Variants in ZDHHC14 observed in about 807,000 individuals in gnomAD.
The protein encoded by ZDHHC14 is zDHHC palmitoyltransferase 14.
ZDHHC14 carries 16 observed loss-of-function variants against 47.7 expected under a neutral mutation model. The ratio of observed to expected loss-of-function variants is 0.34; its 90% CI spans 0.23 to 0.51. The LOEUF is 0.51. Among genes scored for constraint, ZDHHC14 ranks in the 20% least tolerant of loss-of-function variants. ZDHHC14 has a pLI of 0.97. For synonymous variants in ZDHHC14, 293 were observed against 278.9 expected (o/e 1.05, Z -0.50); for missense variants, 515 against 662.5 (o/e 0.78, Z 2.44).
Position 157,675,254 on chromosome 6 carries a change from A to C in ZDHHC14, c.*2132A>C, listed in dbSNP as rs1778952054. 1 of 152,230 alleles carries C rather than the reference A, an allele frequency of 6.6e-6. No individual in the cohort carries two copies. The highest frequency in any genetic ancestry group is 2.4e-5 in the African/African-American group (1 of 41,442). 9.4% of individuals were successfully genotyped at this position (152,230 alleles called of 1,614,324 possible). On this transcript the variant is annotated 3_prime_UTR_variant, in exon 9 of 9. Coordinates refer to ENST00000359775, the MANE Select transcript of ZDHHC14 (RefSeq NM_024630.3). ...CCTGGAAAGCAAGATCATGGTCTTCAGAGGCCTCCCGCTTCTAACATTTCC... is the reference window on the plus strand; with the variant it reads ...CCTGGAAAGCAAGATCATGGTCTTCCGAGGCCTCCCGCTTCTAACATTTCC...
At chr6:157,518,732 G>T (rs978625291) in intron 1 of ZDHHC14, among the ~76,000 whole-genome samples, 2 of 147,160 alleles carry the variant, frequency 1.4e-5, no homozygotes, top group African/African-American at 5.0e-5. Context: ...CCATGTCAAT[G>T]TTTCCCTCCT....
chr6:157,443,501 G>A (rs1225088905), intron 1 of ZDHHC14, among the ~76,000 whole-genome samples: 1 of 152,254 alleles, frequency 6.6e-6, no homozygotes, highest in East Asian at 1.9e-4. Context: ...AAAGCACCGT[G>A]AGCTATGAAG....
intron 8 of ZDHHC14, among the ~76,000 whole-genome samples, chr6:157,662,944 A>T (rs1692398636): frequency 6.6e-6 from 1 of 152,272 alleles, no homozygotes; most frequent in Non-Finnish European, 1.5e-5. Context: ...TTAATTGTTA[A>T]ATTTAGCACT....
Position 157,540,910 on chromosome 6 carries a change from G to GTATATATATATATATATATATATATATA in ZDHHC14, c.246-1651_246-1650insTATATATATATATATATATATATATATA, listed in dbSNP as rs1554264587. Among the ~76,000 whole-genome samples the GTATATATATATATATATATATATATATA allele has an allele frequency of 1.7e-4, 21 of 122,970 alleles. 1 individual carries two copies. The highest frequency in any genetic ancestry group is 8.7e-4 in the African/African-American group (20 of 23,060). 80.7% of individuals were successfully genotyped at this position (122,970 alleles called of 152,430 possible). On this transcript the variant is annotated intron_variant, in intron 1 of 8. Coordinates refer to ENST00000359775, the MANE Select transcript of ZDHHC14 (RefSeq NM_024630.3). ...TGTATGTGTGTGTGTGTGTGTGTGTGTATATATATATATATATATATATAA... is the reference window on the plus strand; with the variant it reads ...TGTATGTGTGTGTGTGTGTGTGTGTGTATATATATATATATATATATATATATATATATATATATATATATATATATAA...
At chr6:157,385,183 G>A (rs1777287449) in intron 1 of ZDHHC14, among the ~76,000 whole-genome samples, 2 of 152,012 alleles carry the variant, frequency 1.3e-5, no homozygotes, top group Non-Finnish European at 2.9e-5. Context: ...TGACCGCCGA[G>A]GCTCAAGCAA....
intron 1 of ZDHHC14, among the ~76,000 whole-genome samples, chr6:157,467,651 G>A (rs1779252812): frequency 6.6e-6 from 1 of 151,880 alleles, no homozygotes; most frequent in South Asian, 2.1e-4. Context: ...CCGGGTTCAA[G>A]CGATTCTCCT....
chr6:157,586,492 A>G lies in ZDHHC14; in HGVS notation c.407-6496A>G, dbSNP rs1783702128. Among the ~76,000 whole-genome samples, 1 of 152,172 alleles carries G rather than the reference A, an allele frequency of 6.6e-6. No homozygotes were observed. Among genetic ancestry groups the G allele is most frequent in the African/African-American group, 2.4e-5 (1 of 41,438 alleles). On this transcript the variant is annotated intron_variant, in intron 2 of 8. Coordinates refer to ENST00000359775, the MANE Select transcript of ZDHHC14 (RefSeq NM_024630.3). The surrounding 1 kb of genome is among the most constrained non-coding windows in gnomAD (Gnocchi z 4.6). ...AGGCTCCATGGAAGATCGTGCAAGG[A>G]GAGAGAAGGTTCATGGATTGTGTGC...
intron 2 of ZDHHC14, among the ~76,000 whole-genome samples, chr6:157,575,057 G>T (rs1383941129): frequency 6.6e-6 from 1 of 152,196 alleles, no homozygotes; most frequent in Non-Finnish European, 1.5e-5. Context: ...CAGGCCAGCA[G>T]GCTGGAAAGT....
At chr6:157,429,731 A>G (rs576661624) in intron 1 of ZDHHC14, among the ~76,000 whole-genome samples, 20 of 152,344 alleles carry the variant, frequency 1.3e-4, no homozygotes, top group African/African-American at 4.6e-4. Flanking sequence ...ATCATATTTC[A>G]TCTCTCAATA....
At chr6:157,589,999 A>G (rs1285186223) in intron 2 of ZDHHC14, among the ~76,000 whole-genome samples, 1 of 152,180 alleles carries the variant, frequency 6.6e-6, no homozygotes, top group Non-Finnish European at 1.5e-5. Context: ...TGGAAACAGG[A>G]ATAAAGGTGA....
intron 8 of ZDHHC14, among the ~76,000 whole-genome samples, chr6:157,655,937 G>C (rs946703080): frequency 1.3e-5 from 2 of 152,184 alleles, no homozygotes; most frequent in African/African-American, 4.8e-5. Context: ...CTGTTTAATG[G>C]TGCTCTCACC....
At chr6:157,528,272 TGAG>T (rs914823899) in intron 1 of ZDHHC14, among the ~76,000 whole-genome samples, 1 of 152,210 alleles carries the variant, frequency 6.6e-6, no homozygotes, top group Non-Finnish European at 1.5e-5. Flanking sequence ...TATTTCAAAA[TGAG>T]CTGAACAGTT....
intron 1 of ZDHHC14, among the ~76,000 whole-genome samples, chr6:157,507,938 T>C (rs1780370108): frequency 6.6e-6 from 1 of 152,254 alleles, no homozygotes; most frequent in Non-Finnish European, 1.5e-5. Flanking sequence ...AATATGTTTA[T>C]TTCAATCTTA....
chr6:157,413,903 C>G (rs1777920784), intron 1 of ZDHHC14, among the ~76,000 whole-genome samples: 3 of 139,466 alleles, frequency 2.2e-5, no homozygotes, highest in South Asian at 4.9e-4. Context: ...CGCAGGTCAC[C>G]CAGCACATTT....
intron 2 of ZDHHC14, among the ~76,000 whole-genome samples, chr6:157,552,223 G>T (rs1782262299): frequency 6.6e-6 from 1 of 152,130 alleles, no homozygotes; most frequent in Non-Finnish European, 1.5e-5. Flanking sequence ...TATTTGGGAG[G>T]ATAAAGCAAG....
chr6:157,412,656 G>A (rs1024962125), intron 1 of ZDHHC14, among the ~76,000 whole-genome samples: 8 of 145,818 alleles, frequency 5.5e-5, no homozygotes, highest in African/African-American at 2.3e-4. Context: ...TCACAATTCA[G>A]GTGGAAATGG....
chr6:157,615,813 T>TTTTGG (rs1562509725), intron 3 of ZDHHC14, among the ~76,000 whole-genome samples: 5 of 145,404 alleles, frequency 3.4e-5, no homozygotes, highest in Admixed American at 2.7e-4. Flanking sequence ...TTTTGTTTTG[T>TTTTGG]TTTGGTTGTT....
chr6:157,476,274 A>G (rs1208251520), intron 1 of ZDHHC14, among the ~76,000 whole-genome samples: 1 of 152,222 alleles, frequency 6.6e-6, no homozygotes, highest in African/African-American at 2.4e-5. Context: ...ACAAAGGATC[A>G]TAAGGGACTA....
Position 157,405,550 on chromosome 6 carries a change from A to T in ZDHHC14, c.245+23284A>T, listed in dbSNP as rs189544062. ...CCTGGCCGAGCTCAAAATTTTTTTTAAAAAAAATATTCTTTCCTCTTAAAG... is the reference window on the plus strand; with the variant it reads ...CCTGGCCGAGCTCAAAATTTTTTTTTAAAAAAATATTCTTTCCTCTTAAAG... On this transcript the variant is annotated intron_variant, in intron 1 of 8. Transcript: ENST00000359775. Among the ~76,000 whole-genome samples, 1,063 of 148,142 alleles carry T rather than the reference A, an allele frequency of 7.2e-3. 8 individuals are homozygous for T. The highest frequency in any genetic ancestry group is 0.017 in the African/African-American group (697 of 41,184).
Sources: allele counts gnomAD v4.1 joint callset (sites outside exome capture counted in the v4.1 genomes callset), GRCh38; gene constraint gnomAD v4.1.1; non-coding constraint Gnocchi (gnomAD v3.1); transcripts MANE v1.5; gene names NCBI Gene and HGNC (gene_info 2026-07-23, HGNC 2026-07-21).